NIPSNAP1: variants seen among roughly 807,000 people sequenced by gnomAD.
NIPSNAP1 encodes the protein nipsnap homolog 1, also known as protein NipSnap homolog 1.
A neutral mutation model predicts 49.2 loss-of-function variants in NIPSNAP1; 25 were observed. That is an observed-to-expected ratio of 0.51 (90% CI 0.37 to 0.71). The LOEUF (loss-of-function observed/expected upper bound fraction) is 0.71, where lower values mean the gene tolerates loss of function less well. NIPSNAP1 is among the 30% of genes least tolerant of loss of function. NIPSNAP1 has a pLI of 0.00. For missense variants in NIPSNAP1, 294 were observed against 361.0 expected, an observed-to-expected ratio of 0.81 and a Z score of 1.50; for synonymous variants, 143 against 140.7, an observed-to-expected ratio of 1.02 and a Z score of -0.12.
Position 29,555,891 on chromosome 22 carries a change from G to A in NIPSNAP1, c.*44C>T, listed in dbSNP as rs2064290395. 2 of 1,531,530 alleles carry A rather than the reference G, an allele frequency of 1.3e-6. No individual in the cohort carries two copies. The allele number at this position is 1,531,530 out of a possible 1,614,324, so 94.9% of individuals were successfully genotyped here. A position where few individuals can be genotyped will look rare whatever the true frequency, so the allele number is the denominator to read the frequency against. On this transcript the variant is annotated 3_prime_UTR_variant, in exon 10 of 10. Coordinates refer to ENST00000216121, the MANE Select transcript of NIPSNAP1 (RefSeq NM_003634.4). The stretch of plus-strand genomic sequence containing the variant: ...ACCAGGAGTGCCACTGTCTGTCGGG[G>A]TTGCCTGAGGGAGAAGGGGAAGGAG...
chr22:29,561,058 G>T, intron 7 of NIPSNAP1, 113 bp downstream of exon 7: 1 of 1,077,684 alleles, frequency 9.3e-7, no homozygotes, highest in Non-Finnish European at 1.4e-6. Flanking sequence ...AGGGGCAGAA[G>T]GTAAAGAGTT....
At chr22:29,573,312 A>C (rs371179616) in intron 1 of NIPSNAP1, among the ~76,000 whole-genome samples, 11 of 152,052 alleles carry the variant, frequency 7.2e-5, no homozygotes, top group African/African-American at 2.7e-4. Context: ...TAGGATTACA[A>C]GCATGAGCCA....
intron 1 of NIPSNAP1, among the ~76,000 whole-genome samples, chr22:29,573,876 T>G (rs1008479224): frequency 2.0e-5 from 3 of 149,066 alleles, no homozygotes; most frequent in East Asian, 2.0e-4. Flanking sequence ...GAGGCGTAGG[T>G]TGCAGCAAGC....
intron 1 of NIPSNAP1, among the ~76,000 whole-genome samples, chr22:29,571,947 C>T (rs9613960): frequency 1.8e-4 from 27 of 151,738 alleles, no homozygotes; most frequent in Non-Finnish European, 2.2e-4. Context: ...AGGTAATTTT[C>T]GTATTTTTAC....
chr22:29,565,465 A>G (rs531077735), intron 4 of NIPSNAP1, among the ~76,000 whole-genome samples: 1 of 152,162 alleles, frequency 6.6e-6, no homozygotes, highest in African/African-American at 2.4e-5. Flanking sequence ...GTGAGCTGAG[A>G]TCACGCCACT....
chr22:29,571,753 GC>G (rs2064409400), intron 1 of NIPSNAP1, among the ~76,000 whole-genome samples: 1 of 150,994 alleles, frequency 6.6e-6, no homozygotes, highest in Non-Finnish European at 1.5e-5. Flanking sequence ...GTCACAGGAA[GC>G]CCTATCCTTT....
intron 9 of NIPSNAP1, 108 bp downstream of exon 9, chr22:29,558,761 GT>G: frequency 1.2e-6 from 1 of 853,742 alleles, no homozygotes. Flanking sequence ...TGTCTTAAAA[GT>G]GAGTTCCCCA....
At position 29,581,034 on chromosome 22, in the gene NIPSNAP1, C is replaced by G; in HGVS notation, c.49G>C (p.Gly17Arg). The G allele has an allele frequency of 6.5e-7, 1 of 1,538,434 alleles. No individual in the cohort carries two copies. The highest frequency in any genetic ancestry group is 1.2e-5 in the South Asian group (1 of 83,786). Reference sequence around the variant, plus strand: ...TCCCCAGCGCGAGGCCCCGGGCCCCCCAGCAGCCGCCGCGCCGTCACAGAG... The same window carrying G: ...TCCCCAGCGCGAGGCCCCGGGCCCCGCAGCAGCCGCCGCGCCGTCACAGAG... ...SISVTARRLL[G>R]GPGPRAGDVA... The change falls in exon 1 of 10, where the codon GGG (glycine) becomes CGG (arginine). Residue 17 changes from glycine (G) to arginine (R), a missense_variant. Physicochemically the swap from Gly to Arg is moderately radical, Grantham distance 125. Transcript: ENST00000216121.
rs375217456 is a variant in NIPSNAP1, at chr22:29,569,183, A to C, written c.367+10T>G. The C allele has an allele frequency of 1.1e-5, 18 of 1,612,926 alleles. No homozygotes were observed. Among genetic ancestry groups the C allele is most frequent in the Middle Eastern group, 1.6e-4 (1 of 6,078 alleles). On this transcript the variant is annotated intron_variant, in intron 4 of 9. Coordinates refer to ENST00000216121, the MANE Select transcript of NIPSNAP1 (RefSeq NM_003634.4). ...CAGTGGCAATGGCACTAGGGAGGTG[A>C]GCGCCTTACCTGCCTGGTCCTGCTC...
At chr22:29,571,396 T>C (rs1191966107) in intron 1 of NIPSNAP1, among the ~76,000 whole-genome samples, 4 of 152,214 alleles carry the variant, frequency 2.6e-5, no homozygotes, top group Admixed American at 6.6e-5. Context: ...CCCATCTCCA[T>C]AGGATACTGA....
chr22:29,572,135 T>A (rs2064412774), intron 1 of NIPSNAP1, among the ~76,000 whole-genome samples: 1 of 151,384 alleles, frequency 6.6e-6, no homozygotes, highest in Non-Finnish European at 1.5e-5. Context: ...AAACCCTGTC[T>A]CTACTAAAAA....
At chr22:29,564,703 G>A (rs116206926) in intron 4 of NIPSNAP1, among the ~76,000 whole-genome samples, 209 of 151,984 alleles carry the variant, frequency 1.4e-3, no homozygotes, top group African/African-American at 4.6e-3. Context: ...ATGAGCCACC[G>A]CGCCCAGCCA....
At position 29,555,953 on chromosome 22, in the gene NIPSNAP1, C is replaced by G. The variant is rs1242620407; in HGVS notation, c.837G>C (p.Lys279Asn). 34 of 1,551,718 alleles carry G rather than the reference C, an allele frequency of 2.2e-5. No homozygotes were observed. The South Asian group carries it at 3.8e-4, about 17-fold the overall frequency. ...HMESRIMIPL[K>N]ISPLQ ...GGCAGCATCACTGCAGAGGCGAGAT[C>G]TTCAAGGGGATCATGATCCTAGACT... is the stretch of plus-strand genomic sequence containing the variant. Residue 279 changes from lysine to asparagine, a missense_variant, in exon 10 of 10, where the codon AAG becomes AAC. Physicochemically the swap from Lys to Asn is moderately conservative, Grantham distance 94. This residue lies in a region of NIPSNAP1 where 146 missense variants were observed against 219.9 expected (regional missense o/e 0.66). Coordinates refer to ENST00000216121, the MANE Select transcript of NIPSNAP1 (RefSeq NM_003634.4).
intron 4 of NIPSNAP1, chr22:29,564,337 T>G (rs768310709): frequency 4.2e-6 from 2 of 471,066 alleles, no homozygotes; most frequent in South Asian, 3.1e-5. Context: ...GCAAAAGTAC[T>G]GTATGGATAG....
chr22:29,570,378 A>C (rs529849353), intron 2 of NIPSNAP1, 27 bp downstream of exon 2: 2 of 1,613,948 alleles, frequency 1.2e-6, no homozygotes, highest in South Asian at 2.2e-5. Context: ...GAAAGGGCAG[A>C]AATTGGTCAG....
chr22:29,558,342 G>A (rs758724785), intron 9 of NIPSNAP1, among the ~76,000 whole-genome samples: 4 of 151,982 alleles, frequency 2.6e-5, no homozygotes, highest in Admixed American at 6.6e-5. Flanking sequence ...GGTGACACAC[G>A]CCTGTAATCC....
At chr22:29,556,721 G>A (rs946015549) in intron 9 of NIPSNAP1, among the ~76,000 whole-genome samples, 5 of 152,060 alleles carry the variant, frequency 3.3e-5, no homozygotes, top group African/African-American at 1.2e-4. Context: ...GATTTGGTAG[G>A]TTGCAGGAAG....
At chr22:29,565,865 A>G (rs1393534975) in intron 4 of NIPSNAP1, among the ~76,000 whole-genome samples, 1 of 152,236 alleles carries the variant, frequency 6.6e-6, no homozygotes, top group African/African-American at 2.4e-5. Flanking sequence ...CGGAAACCAA[A>G]TAATTGATTA....
At chr22:29,572,930 T>G (rs2064421481) in intron 1 of NIPSNAP1, among the ~76,000 whole-genome samples, 1 of 151,500 alleles carries the variant, frequency 6.6e-6, no homozygotes, top group Admixed American at 6.6e-5. Context: ...CAATGAACTA[T>G]GATCAGGCCA....
Sources: gnomAD v4.1 joint callset for allele counts (sites outside exome capture counted in the v4.1 genomes callset) on GRCh38, gnomAD v4.1.1 for gene constraint, gnomAD v4.1.1 regional missense constraint, MANE v1.5 for transcripts, NCBI Gene and HGNC (gene_info 2026-07-23, HGNC 2026-07-21) for gene names.